Variants in SNED1 observed in about 807,000 individuals in gnomAD.
SNED1 encodes the protein sushi, nidogen and EGF like domains 1.
SNED1 carries 81 observed loss-of-function variants against 166.7 expected under a neutral mutation model. The ratio of observed to expected loss-of-function variants is 0.49; its 90% CI spans 0.41 to 0.58. The LOEUF (loss-of-function observed/expected upper bound fraction) is 0.58. Among genes scored for constraint, SNED1 ranks in the 20% least tolerant of loss-of-function variants. The pLI is 0.00. For missense variants in SNED1, 1,604 were observed against 2,000.2 expected, an observed-to-expected ratio of 0.80 and a Z score of 3.78; for synonymous variants, 762 against 822.0, an observed-to-expected ratio of 0.93 and a Z score of 1.25.
At chr2:241,067,428 C>T (rs986082204) in intron 21 of SNED1, among the ~76,000 whole-genome samples, 2 of 152,218 alleles carry the variant, frequency 1.3e-5, no homozygotes, top group Non-Finnish European at 2.9e-5. Flanking sequence ...AGGGGAGGTC[C>T]GGGTTACTCA....
chr2:241,040,491 C>T, intron 8 of SNED1, 78 bp downstream of exon 8: 2 of 895,650 alleles, frequency 2.2e-6, no homozygotes, highest in Non-Finnish European at 3.4e-6. Context: ...CCACTTTCCC[C>T]TTCCTTCCTT....
rs2062850387 is a variant in SNED1 at position 241,073,507 on chromosome 2, C to A, written c.3916+143C>A. 1.4e-6 allele frequency: 1 copy of A among 712,012 alleles called. No individual in the cohort carries two copies. Among genetic ancestry groups the A allele is most frequent in the East Asian group, 2.7e-5 (1 of 36,790 alleles). 44.1% of individuals were successfully genotyped at this position (712,012 alleles called of 1,614,324 possible). On this transcript the variant is annotated intron_variant, in intron 27 of 31. Transcript: ENST00000310397. The surrounding 1 kb of genome is among the most constrained non-coding windows in gnomAD (Gnocchi z 6.6). ...GAGGGGAGGCTGAGCACCAGGCACC[C>A]CGGTGTGGGAAGATGGGGTGAAGCT...
At position 241,033,823 on chromosome 2, in the gene SNED1, C is replaced by T. The variant is rs957076062; in HGVS notation, c.590C>T (p.Thr197Ile). Reference sequence around the variant, plus strand: ...GAGTCCATCGTGTGGACCACAGGCACACACGCCAGCAGCGGGGGCAACGCC... The same window carrying T: ...GAGTCCATCGTGTGGACCACAGGCATACACGCCAGCAGCGGGGGCAACGCC... ...NYESIVWTTG[T>I]HASSGGNATG... Residue 197 changes from threonine to isoleucine, a missense_variant, in exon 3 of 32, where the codon ACA (threonine) becomes ATA (isoleucine). Coordinates refer to ENST00000310397, the MANE Select transcript of SNED1 (RefSeq NM_001080437.3). The T allele has an allele frequency of 1.2e-6, 2 of 1,610,108 alleles. No homozygotes were observed. The highest frequency in any genetic ancestry group is 1.3e-5 in the African/African-American group (1 of 74,904).
At position 240,998,853 on chromosome 2, in the gene SNED1, G is replaced by C. The variant is rs550419062; in HGVS notation, c.16G>C (p.Ala6Pro). The change falls in exon 1 of 32, where the codon GCC becomes CCC. Residue 6 changes from alanine to proline, a missense_variant. Transcript: ENST00000310397. MRHGV[A>P]WALLVAAALG... ...CACCTCCGCGATGCGGCACGGCGTC[G>C]CCTGGGCGCTGCTGGTGGCCGCGGC... 4.1e-5 allele frequency: 49 copies of C among 1,203,430 alleles called. No individual in the cohort carries two copies. In the Middle Eastern group the frequency reaches 3.3e-3, roughly 82 times the overall value. 74.5% of individuals were successfully genotyped at this position (1,203,430 alleles called of 1,614,324 possible).
In SNED1 at chr2:241,068,413, C is replaced by T. The variant is rs942520840; in HGVS notation, c.3194+466C>T. Among the ~76,000 whole-genome samples, 2 of 151,934 alleles carry T rather than the reference C, an allele frequency of 1.3e-5. No individual in the cohort carries two copies. Among genetic ancestry groups the T allele is most frequent in the Admixed American group, 6.6e-5 (1 of 15,264 alleles). On this transcript the variant is annotated intron_variant, in intron 22 of 31. Coordinates refer to ENST00000310397, the MANE Select transcript of SNED1 (RefSeq NM_001080437.3). This position sits in a 1 kb window ranked among gnomAD's most constrained non-coding sequence, Gnocchi z 5.3. Reference sequence around the variant, plus strand: ...CCACAGTGGACCCCTGTGATTTGGTCGCCAACCAAAGAGAAAGCTTCCGAA... The same window carrying T: ...CCACAGTGGACCCCTGTGATTTGGTTGCCAACCAAAGAGAAAGCTTCCGAA...
rs112879435 is a variant in SNED1 at position 241,052,515 on chromosome 2, C to T, written c.2083+47C>T. 1.9e-5 allele frequency: 27 copies of T among 1,422,988 alleles called. 1 individual carries two copies. The African/African-American group carries it at 4.3e-4, about 23-fold the overall frequency. The allele number at this position is 1,422,988 out of a possible 1,614,324, so 88.1% of individuals were successfully genotyped here. On this transcript the variant is annotated intron_variant, in intron 15 of 31. Transcript: ENST00000310397. ...AGCAGGGTACATGGGATACCAGTGC[C>T]AGGCAGGTGAGATGGCCAGGGCCCA...
At chr2:240,998,461 T>C (rs921144243), upstream of SNED1, among the ~76,000 whole-genome samples, 1 of 152,016 alleles carries the variant, frequency 6.6e-6, no homozygotes, top group African/African-American at 2.4e-5. Flanking sequence ...CGCAGAGCCC[T>C]CACCTTGCCT....
chr2:241,087,743 C>T (rs2063659156), intron 30 of SNED1: 4 of 1,271,216 alleles, frequency 3.1e-6, no homozygotes, highest in Non-Finnish European at 4.0e-6. Flanking sequence ...GAACATGGTG[C>T]TACAATTGGG....
rs528836791 is a variant in SNED1 at position 241,029,339 on chromosome 2, T to C, written c.214-945T>C. On this transcript the variant is annotated intron_variant, in intron 1 of 31. Transcript: ENST00000310397. Reference sequence around the variant, plus strand: ...TCAAGGCACTGTCAGTCAGCCTCAGTGACTGGTGAGGGCCCACTTCCTGGG... The same window carrying C: ...TCAAGGCACTGTCAGTCAGCCTCAGCGACTGGTGAGGGCCCACTTCCTGGG... Among the ~76,000 whole-genome samples, 6 of 152,350 alleles carry C rather than the reference T, an allele frequency of 3.9e-5. No individual in the cohort carries two copies. In the East Asian group the frequency reaches 7.7e-4, roughly 20 times the overall value.
At chr2:241,071,433 T>G (rs954096010) in intron 24 of SNED1, 143 bp from the exon 25 acceptor site, 13 of 952,180 alleles carry the variant, frequency 1.4e-5, no homozygotes, top group Non-Finnish European at 2.0e-5. Context: ...CACAAGCACC[T>G]TGGATGACCA....
intron 6 of SNED1, among the ~76,000 whole-genome samples, chr2:241,038,062 A>G (rs1003430369): frequency 2.2e-4 from 32 of 143,324 alleles, no homozygotes; most frequent in African/African-American, 7.5e-4. Context: ...CTGGTAAAGA[A>G]AGGTGGACCC....
intron 17 of SNED1, chr2:241,063,230 T>C (rs1168197411): frequency 6.3e-6 from 3 of 479,786 alleles, no homozygotes; most frequent in Admixed American, 3.4e-5. Context: ...GCCTGCCCCA[T>C]GAGCCCTGCA....
In SNED1 at chr2:240,999,345, C is replaced by T. The variant is rs1446697014; in HGVS notation, c.213+295C>T. 1.3e-5 allele frequency among the ~76,000 whole-genome samples: 2 copies of T among 152,052 alleles called. No individual in the cohort carries two copies. The highest frequency in any genetic ancestry group is 2.4e-5 in the African/African-American group (1 of 41,446). ...AGCGCGTCTTCCCGGCGCCTGATTC[C>T]CAGGGGAGAGCAGGGGTCCTGGTAC... On this transcript the variant is annotated intron_variant, in intron 1 of 31. Coordinates refer to ENST00000310397, the MANE Select transcript of SNED1 (RefSeq NM_001080437.3). This position sits in a 1 kb window ranked among gnomAD's most constrained non-coding sequence, Gnocchi z 5.8.
At chr2:241,082,163 T>C in intron 28 of SNED1, 114 bp from the exon 29 acceptor site, 1 of 799,024 alleles carries the variant, frequency 1.3e-6, no homozygotes, top group Admixed American at 2.3e-5. Context: ...CATCCCGCCT[T>C]GGAGGAAGCC....
chr2:241,056,586 T>TTTTTTTTTG, intron 16 of SNED1, among the ~76,000 whole-genome samples: 1 of 139,088 alleles, frequency 7.2e-6, no homozygotes, highest in Admixed American at 7.1e-5. Flanking sequence ...TGAAATTTTT[T>TTTTTTTTTG]TTTTTTTTTT....
rs1575082385 is a variant in SNED1, at chr2:241,075,674, T to C, written c.3916+2310T>C. On this transcript the variant is annotated intron_variant, in intron 27 of 31. Transcript: ENST00000310397. The surrounding 1 kb of genome is among the most constrained non-coding windows in gnomAD (Gnocchi z 4.8). ...CTGGCTTGTCCTTCCCTGTTCTTGG[T>C]GGTACTTCCTAATAGAGAAAAGTTC... 6.6e-6 allele frequency: 1 copy of C among 152,230 alleles called. No homozygotes were observed. The highest frequency in any genetic ancestry group is 2.4e-5 in the African/African-American group (1 of 41,456). 9.4% of individuals were successfully genotyped at this position (152,230 alleles called of 1,614,324 possible). A position where few individuals can be genotyped will look rare whatever the true frequency, so the allele number is the denominator to read the frequency against.
At chr2:241,082,421 A>G in intron 29 of SNED1, 57 bp downstream of exon 29, 9 of 1,374,096 alleles carry the variant, frequency 6.5e-6, no homozygotes, top group Non-Finnish European at 9.3e-6. Flanking sequence ...TTGACTCCTC[A>G]AAGTGCTGTC....
In SNED1 at chr2:241,033,719, C is replaced by A. The variant is rs370729352; in HGVS notation, c.502-16C>A. 1.9e-6 allele frequency: 3 copies of A among 1,607,440 alleles called. No homozygotes were observed. The South Asian group carries it at 3.3e-5, about 18-fold the overall frequency. Reference sequence around the variant, plus strand: ...AGGGGAGTGCAGGGCCCTGTTCAGCCCCCTCTCCCCGGCAGGTCAACACAT... The same window carrying A: ...AGGGGAGTGCAGGGCCCTGTTCAGCACCCTCTCCCCGGCAGGTCAACACAT... On this transcript the variant is annotated splice_polypyrimidine_tract_variant and intron_variant, in intron 2 of 31. Transcript: ENST00000310397.
intron 1 of SNED1, among the ~76,000 whole-genome samples, chr2:241,009,573 C>T (rs921168055): frequency 6.6e-6 from 1 of 152,072 alleles, no homozygotes; most frequent in Non-Finnish European, 1.5e-5. Flanking sequence ...GGGGCATGGC[C>T]CCATGGGGAC....
Sources: gnomAD v4.1 joint callset for allele counts (sites outside exome capture counted in the v4.1 genomes callset) on GRCh38, gnomAD v4.1.1 for gene constraint, Gnocchi (gnomAD v3.1) non-coding constraint, MANE v1.5 for transcripts, NCBI Gene and HGNC (gene_info 2026-07-23, HGNC 2026-07-21) for gene names.